Variants in KCNIP4 observed in about 807,000 individuals in gnomAD.
KCNIP4 encodes potassium voltage-gated channel interacting protein 4.
In KCNIP4, 12 loss-of-function variants were observed where a neutral mutation model predicts 34.0. The ratio of observed to expected loss-of-function variants is 0.35; its 90% CI spans 0.23 to 0.57. The LOEUF (loss-of-function observed/expected upper bound fraction) is 0.57, where lower values mean the gene tolerates loss of function less well. Ranked by LOEUF, KCNIP4 falls within the 20% of genes least tolerant of loss-of-function variation. The pLI, the probability that KCNIP4 is intolerant of heterozygous loss-of-function variation, is 0.83. For missense variants in KCNIP4, 238 were observed against 311.7 expected (o/e 0.76, Z 1.78); for synonymous variants, 124 against 102.2 (o/e 1.21, Z -1.29).
chr4:21,904,006 T>G (rs971949103), intron 1 of KCNIP4, among the ~76,000 whole-genome samples: 1 of 152,186 alleles, frequency 6.6e-6, no homozygotes. Context: ...ACGTAGATAA[T>G]GGATTAACTT....
chr4:21,454,977 G>A (rs1478037566), intron 1 of KCNIP4, among the ~76,000 whole-genome samples: 1 of 152,004 alleles, frequency 6.6e-6, no homozygotes, highest in Admixed American at 6.6e-5. Flanking sequence ...GACCATCCTA[G>A]TATCAGCACT....
intron 1 of KCNIP4, among the ~76,000 whole-genome samples, chr4:21,335,077 A>C (rs913365989): frequency 6.6e-6 from 1 of 152,048 alleles, no homozygotes; most frequent in African/African-American, 2.4e-5. Flanking sequence ...ACCCCAGTGC[A>C]ACTTGTTGGA....
At chr4:21,361,145 A>G (rs765416467) in intron 1 of KCNIP4, among the ~76,000 whole-genome samples, 2 of 152,090 alleles carry the variant, frequency 1.3e-5, no homozygotes, top group Non-Finnish European at 2.9e-5. Context: ...TAATCTAGAC[A>G]TGTAGAAGGT....
chr4:21,874,795 C>T (rs1726013858), intron 1 of KCNIP4, among the ~76,000 whole-genome samples: 1 of 152,164 alleles, frequency 6.6e-6, no homozygotes, highest in Non-Finnish European at 1.5e-5. Context: ...ATTCTTTTTA[C>T]TATTTTTACT....
At chr4:21,238,025 T>C (rs1225537737) in intron 1 of KCNIP4, among the ~76,000 whole-genome samples, 2 of 152,144 alleles carry the variant, frequency 1.3e-5, no homozygotes, top group Non-Finnish European at 2.9e-5. Context: ...AAAAAGCTTA[T>C]CCACCATGAT....
intron 1 of KCNIP4, among the ~76,000 whole-genome samples, chr4:21,829,972 A>G (rs2109303769): frequency 6.6e-6 from 1 of 152,296 alleles, no homozygotes; most frequent in Non-Finnish European, 1.5e-5. Flanking sequence ...ATTGTTTTAA[A>G]TGACAATAGT....
At chr4:20,811,783 T>A (rs909935236) in intron 3 of KCNIP4, among the ~76,000 whole-genome samples, 1 of 152,198 alleles carries the variant, frequency 6.6e-6, no homozygotes, top group African/African-American at 2.4e-5. Flanking sequence ...TCACACATTG[T>A]ACAGGTAATA....
Position 21,826,311 on chromosome 4 carries a change from G to A in KCNIP4, c.61+122260C>T, listed in dbSNP as rs114473180. 4.0e-3 allele frequency among the ~76,000 whole-genome samples: 614 copies of A among 152,230 alleles called. 4 individuals are homozygous for A. The highest frequency in any genetic ancestry group is 0.014 in the African/African-American group (584 of 41,548). On this transcript the variant is annotated intron_variant, in intron 1 of 8. Transcript: ENST00000382152. ...CAGCAAGCATGGAATGTTAACTGAA[G>A]CAATACAACAATTTCTAAACTGACT...
At position 21,104,085 on chromosome 4, in the gene KCNIP4, C is replaced by T. The variant is rs907448775; in HGVS notation, c.62-221376G>A. Among the ~76,000 whole-genome samples, 95 of 152,138 alleles carry T rather than the reference C, an allele frequency of 6.2e-4. 1 individual carries two copies. The highest frequency in any genetic ancestry group is 1.3e-3 in the African/African-American group (55 of 41,496). On this transcript the variant is annotated intron_variant, in intron 1 of 8. Transcript: ENST00000382152. ...TTTATAGCAGCATGATTTATAGTCCCTTGGGTATATGCCCAGTAATGGGAT... is the reference window on the plus strand; with the variant it reads ...TTTATAGCAGCATGATTTATAGTCCTTTGGGTATATGCCCAGTAATGGGAT...
intron 1 of KCNIP4, among the ~76,000 whole-genome samples, chr4:21,602,211 A>G (rs1237177145): frequency 1.3e-5 from 2 of 152,086 alleles, no homozygotes; most frequent in East Asian, 3.9e-4. Flanking sequence ...TTTCACCCCA[A>G]ACAGCATTGA....
At chr4:21,529,986 A>T (rs545315459) in intron 1 of KCNIP4, among the ~76,000 whole-genome samples, 1 of 152,148 alleles carries the variant, frequency 6.6e-6, no homozygotes, top group Non-Finnish European at 1.5e-5. Context: ...CTATGTGGTA[A>T]ATAATAGCTA....
chr4:20,994,454 C>G (rs529116074), intron 1 of KCNIP4, among the ~76,000 whole-genome samples: 167 of 152,272 alleles, frequency 1.1e-3, no homozygotes, highest in Middle Eastern at 3.4e-3. Context: ...ATTAGCATTC[C>G]TATTTCTGAA....
At chr4:21,257,915 G>C (rs990321895) in intron 1 of KCNIP4, among the ~76,000 whole-genome samples, 2 of 152,060 alleles carry the variant, frequency 1.3e-5, no homozygotes, top group African/African-American at 4.8e-5. Context: ...ACATGATTTG[G>C]GGCAGCTATG....
intron 1 of KCNIP4, among the ~76,000 whole-genome samples, chr4:21,314,545 G>A (rs1032129895): frequency 6.6e-6 from 1 of 152,276 alleles, no homozygotes. Flanking sequence ...GTGGTTGTAG[G>A]AGGCTGAAGG....
In KCNIP4 at chr4:21,667,452, A is replaced by C. The variant is rs1158858798; in HGVS notation, c.61+281119T>G. On this transcript the variant is annotated intron_variant, in intron 1 of 8. Coordinates refer to ENST00000382152, the MANE Select transcript of KCNIP4 (RefSeq NM_025221.6). ...CTCAAGGTCTCACAAGGTATGTGAG[A>C]GAGGATGTTGGAGACAGAGCCAGGA... is the stretch of plus-strand genomic sequence containing the variant. 2.0e-5 allele frequency among the ~76,000 whole-genome samples: 3 copies of C among 152,230 alleles called. No individual in the cohort carries two copies. The East Asian group carries it at 5.8e-4, about 29-fold the overall frequency.
At chr4:21,324,591 C>T (rs560625808) in intron 1 of KCNIP4, among the ~76,000 whole-genome samples, 2 of 151,882 alleles carry the variant, frequency 1.3e-5, no homozygotes, top group South Asian at 4.2e-4. Flanking sequence ...GTTGTCTATT[C>T]TGTTCCATTG....
chr4:21,401,027 G>T (rs1723514392), intron 1 of KCNIP4, among the ~76,000 whole-genome samples: 1 of 152,126 alleles, frequency 6.6e-6, no homozygotes, highest in Admixed American at 6.6e-5. Context: ...TGGGCATGGT[G>T]GTGGGGGCCC....
intron 3 of KCNIP4, among the ~76,000 whole-genome samples, chr4:20,838,476 A>G (rs563526757): frequency 8.5e-5 from 13 of 152,288 alleles, no homozygotes; most frequent in African/African-American, 2.9e-4. Flanking sequence ...TTATATACTG[A>G]TATTTAGCCA....
intron 1 of KCNIP4, among the ~76,000 whole-genome samples, chr4:21,799,324 C>T (rs1387380433): frequency 6.6e-6 from 1 of 152,046 alleles, no homozygotes; most frequent in Non-Finnish European, 1.5e-5. Context: ...AATGACAGAG[C>T]CAGAAATTGA....
Sources: allele counts gnomAD v4.1 joint callset (sites outside exome capture counted in the v4.1 genomes callset), GRCh38; gene constraint gnomAD v4.1.1; transcripts MANE v1.5; gene names NCBI Gene and HGNC (gene_info 2026-07-23, HGNC 2026-07-21).